The following ERC1 variants were observed in gnomAD, a reference collection of about 807,000 sequenced individuals.
ERC1 encodes ELKS/RAB6-interacting/CAST family member 1, also known as RAB6 interacting protein 2.
Under a neutral mutation model 132.0 loss-of-function variants are expected in ERC1, and 56 were observed. The observed-to-expected ratio is 0.42, with a 90% confidence interval of 0.34 to 0.53. ERC1 has a LOEUF of 0.53. Among genes scored for constraint, ERC1 ranks in the 20% least tolerant of loss-of-function variants. The probability of loss-of-function intolerance (pLI) is 0.03; values close to 1 mark genes in which losing one functional copy is unlikely to be tolerated. For synonymous variants in ERC1, 478 were observed against 476.1 expected (o/e 1.00, Z -0.05); for missense variants, 1,202 against 1,349.9 (o/e 0.89, Z 1.72).
chr12:1,131,628 A>AG (rs1948771482), intron 7 of ERC1, among the ~76,000 whole-genome samples: 1 of 17,184 alleles, frequency 5.8e-5, no homozygotes, highest in Admixed American at 1.3e-3. Flanking sequence ...CACCCAGCTA[A>AG]TTTTTTTGTA....
chr12:1,167,541 A>G (rs1952544247), intron 8 of ERC1, among the ~76,000 whole-genome samples: 1 of 152,182 alleles, frequency 6.6e-6, no homozygotes, highest in Admixed American at 6.5e-5. Context: ...TTCAAGAATC[A>G]GACATCTATT....
chr12:1,488,031 G>A (rs752787872), intron 18 of ERC1, among the ~76,000 whole-genome samples: 17 of 151,624 alleles, frequency 1.1e-4, no homozygotes, highest in Non-Finnish European at 2.5e-4. Context: ...CCAGGTACTC[G>A]GAAGGCTGAG....
intron 1 of ERC1, 83 bp downstream of exon 1, chr12:991,405 C>A (rs2154123485): frequency 1.3e-5 from 2 of 154,164 alleles, no homozygotes; most frequent in East Asian, 1.9e-4. Flanking sequence ...CTGAGGCTTT[C>A]GCCTTTCCTA....
At chr12:1,186,941 G>T (rs1955164528) in intron 11 of ERC1, among the ~76,000 whole-genome samples, 1 of 152,072 alleles carries the variant, frequency 6.6e-6, no homozygotes, top group African/African-American at 2.4e-5. Context: ...AGCAATTCTT[G>T]TGCCACAGCC....
intron 14 of ERC1, among the ~76,000 whole-genome samples, chr12:1,270,805 A>G (rs1317201084): frequency 6.6e-6 from 1 of 151,874 alleles, no homozygotes; most frequent in East Asian, 1.9e-4. Context: ...TTTATTGAGA[A>G]AAGTACAAGA....
intron 3 of ERC1, among the ~76,000 whole-genome samples, chr12:1,091,087 C>T (rs529947080): frequency 6.6e-6 from 1 of 152,226 alleles, no homozygotes; most frequent in East Asian, 1.9e-4. Context: ...TGGGGTTTCG[C>T]CATGTTGGCC....
At chr12:1,301,826 A>G (rs1002821652) in intron 15 of ERC1, among the ~76,000 whole-genome samples, 4 of 151,222 alleles carry the variant, frequency 2.6e-5, no homozygotes, top group African/African-American at 4.9e-5. Context: ...AAAAATTAAG[A>G]AAAAGAAAGA....
chr12:1,335,834 A>T (rs1293978512), intron 15 of ERC1, among the ~76,000 whole-genome samples: 2 of 152,092 alleles, frequency 1.3e-5, no homozygotes, highest in African/African-American at 4.8e-5. Flanking sequence ...GGTAGAATTT[A>T]GCTGTGACTC....
rs538953787 is a variant in ERC1, at chr12:1,147,150, G to A, written c.1737+5363G>A. Among the ~76,000 whole-genome samples the A allele has an allele frequency of 3.3e-5, 5 of 152,302 alleles. No individual in the cohort carries two copies. In the South Asian group the frequency reaches 8.3e-4, roughly 25 times the overall value. On this transcript the variant is annotated intron_variant, in intron 8 of 18. Transcript: ENST00000360905. ...TTGGGTATATACCCAGTAATGGGATGGCTGGGTCTGTTGAATAGAAGTGGT... is the reference window on the plus strand; with the variant it reads ...TTGGGTATATACCCAGTAATGGGATAGCTGGGTCTGTTGAATAGAAGTGGT...
At chr12:1,484,116 T>G (rs112732605) in intron 18 of ERC1, among the ~76,000 whole-genome samples, 117 of 151,270 alleles carry the variant, frequency 7.7e-4, no homozygotes, top group African/African-American at 2.0e-3. Context: ...CCTTCCTGGC[T>G]AACATGGTGA....
intron 3 of ERC1, among the ~76,000 whole-genome samples, chr12:1,084,136 G>A (rs775175790): frequency 7.9e-4 from 120 of 152,254 alleles, no homozygotes; most frequent in Non-Finnish European, 1.4e-3. Flanking sequence ...GAGACACAGT[G>A]TTACTTATTT....
rs547197330 is a variant in ERC1, at chr12:1,436,553, A to G, written c.3025-8009A>G. ...GATAAAATGTGATTATGAGGTTATT[A>G]TACTCTTTTGCCCCCTAGGCAACAA... On this transcript the variant is annotated intron_variant, in intron 17 of 18. Coordinates refer to ENST00000360905, the MANE Select transcript of ERC1 (RefSeq NM_178040.4). 1.7e-3 allele frequency among the ~76,000 whole-genome samples: 261 copies of G among 152,264 alleles called. 2 individuals are homozygous for G. Among genetic ancestry groups the G allele is most frequent in the Non-Finnish European group, 2.2e-3 (148 of 68,018 alleles).
At chr12:1,388,887 T>C (rs115357430) in intron 16 of ERC1, among the ~76,000 whole-genome samples, 1 of 152,314 alleles carries the variant, frequency 6.6e-6, no homozygotes, top group African/African-American at 2.4e-5. Flanking sequence ...AACGCTTATT[T>C]CTTGGTTACA....
intron 4 of ERC1, among the ~76,000 whole-genome samples, chr12:1,107,754 G>A (rs1945417143): frequency 6.6e-6 from 1 of 152,206 alleles, no homozygotes; most frequent in African/African-American, 2.4e-5. Flanking sequence ...GTGAAAAGGA[G>A]TATGAGCTTT....
At chr12:1,156,223 T>C (rs1229644062) in intron 8 of ERC1, among the ~76,000 whole-genome samples, 2 of 151,960 alleles carry the variant, frequency 1.3e-5, no homozygotes, top group African/African-American at 2.4e-5. Context: ...AGATAGGGGT[T>C]TTTCTTATTT....
At chr12:1,028,676 C>A in intron 2 of ERC1, 104 bp downstream of exon 2, 1 of 938,086 alleles carries the variant, frequency 1.1e-6, no homozygotes, top group Non-Finnish European at 1.6e-6. Context: ...GTATATGTAT[C>A]TTCCTTTTTC....
In ERC1 at chr12:1,063,668, C is replaced by T. The variant is rs998640115; in HGVS notation, c.670-19496C>T. On this transcript the variant is annotated intron_variant, in intron 2 of 18. Transcript: ENST00000360905. ...AAAAATCCACTCATTCAGCCTATAT[C>T]TTTTAATTGGGGAATTTAAACCATG... Among the ~76,000 whole-genome samples, 8 of 152,182 alleles carry T rather than the reference C, an allele frequency of 5.3e-5. No individual in the cohort carries two copies. In the East Asian group the frequency reaches 1.5e-3, roughly 29 times the overall value.
chr12:1,370,390 T>C (rs149863230), intron 15 of ERC1, among the ~76,000 whole-genome samples: 57 of 152,342 alleles, frequency 3.7e-4, no homozygotes, highest in Non-Finnish European at 7.1e-4. Context: ...TGCAAACTTA[T>C]TTGCATTCAT....
At chr12:1,175,972 G>A (rs574953339) in intron 8 of ERC1, among the ~76,000 whole-genome samples, 18 of 152,184 alleles carry the variant, frequency 1.2e-4, no homozygotes, top group African/African-American at 2.9e-4. Flanking sequence ...AAAGTTATCC[G>A]TGAGGATTGG....
Sources: gnomAD v4.1 joint callset for allele counts (sites outside exome capture counted in the v4.1 genomes callset) on GRCh38, gnomAD v4.1.1 for gene constraint, MANE v1.5 for transcripts, NCBI Gene and HGNC (gene_info 2026-07-23, HGNC 2026-07-21) for gene names.